The following DAAM2 variants were observed in gnomAD, a reference collection of about 807,000 sequenced individuals.
DAAM2 encodes the protein dishevelled associated activator of morphogenesis 2.
A neutral mutation model predicts 120.7 loss-of-function variants in DAAM2; 39 were observed. The observed-to-expected ratio is 0.32, with a 90% CI of 0.25 to 0.42. The LOEUF (loss-of-function observed/expected upper bound fraction) is 0.42. Ranked by LOEUF, DAAM2 falls within the 10% of genes least tolerant of loss-of-function variation. The pLI is 1.00. For missense variants in DAAM2, 1,283 were observed against 1,401.7 expected, an observed-to-expected ratio of 0.92 and a Z score of 1.35; for synonymous variants, 488 against 524.9, an observed-to-expected ratio of 0.93 and a Z score of 0.96.
intron 19 of DAAM2, among the ~76,000 whole-genome samples, chr6:39,894,592 T>G (rs1765956060): frequency 6.7e-6 from 1 of 149,358 alleles, no homozygotes; most frequent in Non-Finnish European, 1.5e-5. Flanking sequence ...AGTTTAGTTT[T>G]ATCGGTTTTG....
intron 1 of DAAM2, among the ~76,000 whole-genome samples, chr6:39,817,466 A>G (rs1762342892): frequency 6.6e-6 from 1 of 152,210 alleles, no homozygotes; most frequent in African/African-American, 2.4e-5. Context: ...CTGGCAGAAC[A>G]GGCCCTGTCT....
rs1766668881 is a variant in DAAM2 at position 39,904,365 on chromosome 6, CT to C, written c.*2329del. 2 of 456,528 alleles carry C rather than the reference CT, an allele frequency of 4.4e-6. No individual in the cohort carries two copies. Among genetic ancestry groups the C allele is most frequent in the Non-Finnish European group, 8.8e-6 (2 of 226,972 alleles). The allele number at this position is 456,528 out of a possible 1,614,324, so 28.3% of individuals were successfully genotyped here. ...CTCCAACAGTGCCTTGGACCATGGACTCATACTCAACTGAGTAAGAAGGGGC... is the reference window on the plus strand; with the variant it reads ...CTCCAACAGTGCCTTGGACCATGGACCATACTCAACTGAGTAAGAAGGGGC... On this transcript the variant is annotated 3_prime_UTR_variant, in exon 25 of 25. Coordinates refer to ENST00000274867, the MANE Select transcript of DAAM2 (RefSeq NM_001201427.2).
intron 1 of DAAM2, among the ~76,000 whole-genome samples, chr6:39,795,843 G>T (rs1232304763): frequency 6.6e-6 from 1 of 152,010 alleles, no homozygotes; most frequent in Non-Finnish European, 1.5e-5. Flanking sequence ...GTCTGGCCTA[G>T]AAATCACTCT....
intron 15 of DAAM2, 112 bp downstream of exon 15, chr6:39,884,181 TTCCTC>T (rs1765267351): frequency 1.6e-6 from 1 of 636,698 alleles, no homozygotes; most frequent in Non-Finnish European, 2.8e-6. Context: ...CTTCCTTCCC[TTCCTC>T]CATCTTCCCC....
chr6:39,815,005 CACAA>C (rs965290391), intron 1 of DAAM2, among the ~76,000 whole-genome samples: 6 of 152,218 alleles, frequency 3.9e-5, no homozygotes, highest in Non-Finnish European at 8.8e-5. Context: ...ATCTCACTGC[CACAA>C]ACAGAGGGCA....
chr6:39,821,747 G>C (rs1022762753), intron 1 of DAAM2: 1 of 152,274 alleles, frequency 6.6e-6, no homozygotes, highest in Non-Finnish European at 1.5e-5. Context: ...GATCCGGGAG[G>C]GGCAGATGTC....
chr6:39,861,378 T>A (rs759089785), intron 3 of DAAM2: 1 of 366,184 alleles, frequency 2.7e-6, no homozygotes, highest in Admixed American at 3.7e-5. Context: ...AGAAATCAGT[T>A]TGGGGGGCAG....
At chr6:39,810,330 C>T (rs1762125499) in intron 1 of DAAM2, among the ~76,000 whole-genome samples, 7 of 152,340 alleles carry the variant, frequency 4.6e-5, no homozygotes, top group South Asian at 2.1e-4. Context: ...CTCTCTTCAG[C>T]AGGCTGATTC....
At position 39,902,597 on chromosome 6, in the gene DAAM2, A is replaced by G. The variant is rs999317643; in HGVS notation, c.*560A>G. On this transcript the variant is annotated 3_prime_UTR_variant, in exon 25 of 25. Transcript: ENST00000274867. Reference sequence around the variant, plus strand: ...TTAGATCAGCTCTGGTAGGTTCCAGAGAACAGTCAATGTTGGAAGGATGAT... The same window carrying G: ...TTAGATCAGCTCTGGTAGGTTCCAGGGAACAGTCAATGTTGGAAGGATGAT... 2.0e-5 allele frequency: 3 copies of G among 152,356 alleles called. No individual in the cohort carries two copies. The highest frequency in any genetic ancestry group is 7.2e-5 in the African/African-American group (3 of 41,456). 9.4% of individuals were successfully genotyped at this position (152,356 alleles called of 1,614,324 possible).
At chr6:39,844,298 C>CAG (rs1429281045) in intron 1 of DAAM2, among the ~76,000 whole-genome samples, 4 of 151,994 alleles carry the variant, frequency 2.6e-5, no homozygotes, top group Non-Finnish European at 4.4e-5. Flanking sequence ...TTTCAAATAG[C>CAG]AGAGGTGGGG....
intron 1 of DAAM2, among the ~76,000 whole-genome samples, chr6:39,807,284 T>G (rs1762036927): frequency 6.6e-6 from 1 of 152,110 alleles, no homozygotes; most frequent in African/African-American, 2.4e-5. Context: ...ATTAAGCAAG[T>G]TGCAGAAGGA....
chr6:39,895,223 TTTAC>T (rs1207097185), intron 19 of DAAM2, among the ~76,000 whole-genome samples: 2 of 124,926 alleles, frequency 1.6e-5, no homozygotes, highest in Non-Finnish European at 3.1e-5. Context: ...TACAACTTTA[TTTAC>T]TTATTTATTT....
Position 39,878,172 on chromosome 6 carries a change from C to A in DAAM2, c.1302-31C>A. ...AAGCTGTGAATCAATGGTCAACAAT[C>A]ACATTGCCCCTTCCCTCTATGCCCT... On this transcript the variant is annotated intron_variant, in intron 11 of 24. Coordinates refer to ENST00000274867, the MANE Select transcript of DAAM2 (RefSeq NM_001201427.2). The surrounding 1 kb of genome is among the most constrained non-coding windows in gnomAD (Gnocchi z 5.0). The A allele has an allele frequency of 6.2e-7, 1 of 1,610,812 alleles. No individual in the cohort carries two copies. The highest frequency in any genetic ancestry group is 8.5e-7 in the Non-Finnish European group (1 of 1,177,814).
Position 39,868,851 on chromosome 6 carries a change from T to C in DAAM2, c.791T>C (p.Leu264Pro), listed in dbSNP as rs756440457. Residue 264 changes from leucine to proline, a missense_variant, in exon 7 of 25, where the codon CTG becomes CCG. Around this residue, in one of 3 missense-constraint regions of DAAM2, gnomAD observed 338 missense variants for 443.9 expected, o/e 0.76. Transcript: ENST00000274867. The part of the protein sequence containing the change: ...QTLLNELDRS[L>P]GRYRDEVNLK... Reference sequence around the variant, plus strand: ...CTGCTGAACGAGCTAGACCGAAGTCTGGGCCGGTACCGGGATGAAGTGAAT... The same window carrying C: ...CTGCTGAACGAGCTAGACCGAAGTCCGGGCCGGTACCGGGATGAAGTGAAT... 1.3e-6 allele frequency: 2 copies of C among 1,586,062 alleles called. No individual in the cohort carries two copies. Among genetic ancestry groups the C allele is most frequent in the Non-Finnish European group, 1.7e-6 (2 of 1,166,154 alleles).
At position 39,899,999 on chromosome 6, in the gene DAAM2, G is replaced by A. The variant is rs981565416; in HGVS notation, c.2680-78G>A. ...AAGGGCTCAATGTCCTGTGAGTGACGAGGGGAGATGTGGTGACCCCTGCAC... is the reference window on the plus strand; with the variant it reads ...AAGGGCTCAATGTCCTGTGAGTGACAAGGGGAGATGTGGTGACCCCTGCAC... On this transcript the variant is annotated intron_variant, in intron 22 of 24. Transcript: ENST00000274867. 2.2e-5 allele frequency: 33 copies of A among 1,471,756 alleles called. No homozygotes were observed. The East Asian group carries it at 5.7e-4, about 25-fold the overall frequency. The allele number at this position is 1,471,756 out of a possible 1,614,324, so 91.2% of individuals were successfully genotyped here. A position where few individuals can be genotyped will look rare whatever the true frequency, so the allele number is the denominator to read the frequency against.
Position 39,901,584 on chromosome 6 carries a change from C to T in DAAM2, c.2982+112C>T. On this transcript the variant is annotated intron_variant, in intron 24 of 24. Coordinates refer to ENST00000274867, the MANE Select transcript of DAAM2 (RefSeq NM_001201427.2). The surrounding 1 kb of genome is among the most constrained non-coding windows in gnomAD (Gnocchi z 4.5). Reference sequence around the variant, plus strand: ...GCAGAGACTGAGGAACTGAGGAACACCATAGGGGTTGGATGTCAGCCCCAG... The same window carrying T: ...GCAGAGACTGAGGAACTGAGGAACATCATAGGGGTTGGATGTCAGCCCCAG... 4 of 1,240,880 alleles carry T rather than the reference C, an allele frequency of 3.2e-6. No individual in the cohort carries two copies. The highest frequency in any genetic ancestry group is 4.9e-5 in the East Asian group (2 of 40,928). The allele number at this position is 1,240,880 out of a possible 1,614,324, so 76.9% of individuals were successfully genotyped here.
At chr6:39,795,014 G>T (rs144731141) in intron 1 of DAAM2, among the ~76,000 whole-genome samples, 1 of 152,206 alleles carries the variant, frequency 6.6e-6, no homozygotes, top group Admixed American at 6.5e-5. Context: ...GTTTCTGGGA[G>T]TGCTGCATGT....
intron 2 of DAAM2, among the ~76,000 whole-genome samples, chr6:39,859,929 C>T (rs908622045): frequency 6.6e-6 from 1 of 152,144 alleles, no homozygotes; most frequent in African/African-American, 2.4e-5. Flanking sequence ...ATTGTTTTCA[C>T]TGTTTATTGT....
Position 39,878,076 on chromosome 6 carries a change from C to G in DAAM2, c.1302-127C>G. ...CACCTGGGAAGTCTAAATCCTAGCC[C>G]CCTTGATGTGGCTGGACAGATTGGA... On this transcript the variant is annotated intron_variant, in intron 11 of 24. Transcript: ENST00000274867. The surrounding 1 kb of genome is among the most constrained non-coding windows in gnomAD (Gnocchi z 5.0). 1.1e-6 allele frequency: 1 copy of G among 910,718 alleles called. No individual in the cohort carries two copies. The highest frequency in any genetic ancestry group is 1.7e-6 in the Non-Finnish European group (1 of 591,746). The allele number at this position is 910,718 out of a possible 1,614,324, so 56.4% of individuals were successfully genotyped here. A position where few individuals can be genotyped will look rare whatever the true frequency, so the allele number is the denominator to read the frequency against.
Sources: allele counts gnomAD v4.1 joint callset (sites outside exome capture counted in the v4.1 genomes callset), GRCh38; gene constraint gnomAD v4.1.1; regional missense constraint gnomAD v4.1.1; non-coding constraint Gnocchi (gnomAD v3.1); transcripts MANE v1.5; gene names NCBI Gene and HGNC (gene_info 2026-07-23, HGNC 2026-07-21).